RABGAP1: variants seen among roughly 807,000 people sequenced by gnomAD.
The protein encoded by RABGAP1 is rab GTPase-activating protein 1.
Under a neutral mutation model 137.6 loss-of-function variants are expected in RABGAP1, and 23 were observed. That is an observed-to-expected ratio of 0.17 (90% CI 0.12 to 0.24). The LOEUF (loss-of-function observed/expected upper bound fraction) is 0.24. Ranked by LOEUF, RABGAP1 falls within the 10% of genes least tolerant of loss-of-function variation. The probability of loss-of-function intolerance (pLI) is 1.00; values close to 1 mark genes in which losing one functional copy is unlikely to be tolerated. For missense variants in RABGAP1, 906 were observed against 1,275.8 expected (o/e 0.71, Z 4.42); for synonymous variants, 451 against 450.7 (o/e 1.00, Z -0.01).
rs1459915669 is a variant in RABGAP1 at position 123,104,010 on chromosome 9, T to TAA, written c.*798_*799insAA. 1.3e-5 allele frequency: 2 copies of TAA among 151,492 alleles called. No individual in the cohort carries two copies. Among genetic ancestry groups the TAA allele is most frequent in the African/African-American group, 4.9e-5 (2 of 41,042 alleles). The allele number at this position is 151,492 out of a possible 1,614,324, so 9.4% of individuals were successfully genotyped here. On this transcript the variant is annotated 3_prime_UTR_variant, in exon 26 of 26. Coordinates refer to ENST00000373647, the MANE Select transcript of RABGAP1 (RefSeq NM_012197.4). ...GTGTGTGTGTGTATGTATATATATA[T>TAA]ATAAATATCTTTCCCAATATGCCCC...
chr9:123,100,654 C>T (rs1022489319), intron 24 of RABGAP1, among the ~76,000 whole-genome samples: 6 of 152,138 alleles, frequency 3.9e-5, no homozygotes, highest in Non-Finnish European at 7.3e-5. Flanking sequence ...CTCCTGAGCT[C>T]GTGATCCACC....
chr9:122,950,626 C>G (rs994918565), intron 1 of RABGAP1, among the ~76,000 whole-genome samples: 1 of 152,086 alleles, frequency 6.6e-6, no homozygotes, highest in Non-Finnish European at 1.5e-5. Context: ...GTTTTCTCTA[C>G]CACTGTAAGC....
intron 10 of RABGAP1, among the ~76,000 whole-genome samples, chr9:123,005,338 A>C (rs1458313944): frequency 6.6e-6 from 1 of 150,636 alleles, no homozygotes; most frequent in South Asian, 2.1e-4. Flanking sequence ...TATAAATGTC[A>C]TAATTATGTA....
intron 10 of RABGAP1, among the ~76,000 whole-genome samples, chr9:123,003,557 A>T (rs1383638965): frequency 1.3e-5 from 2 of 152,232 alleles, no homozygotes; most frequent in Admixed American, 1.3e-4. Context: ...TTTTGCTGCC[A>T]GTATAGGAAA....
At chr9:122,934,063 A>G in the RABGAP1 span, among the ~76,000 whole-genome samples, 1 of 148,788 alleles carries the variant, frequency 6.7e-6, no homozygotes, top group Non-Finnish European at 1.5e-5. Flanking sequence ...CCCTTTTCCT[A>G]ACCTTTTCTT....
intron 19 of RABGAP1, among the ~76,000 whole-genome samples, chr9:123,083,396 G>T (rs1360372143): frequency 6.6e-6 from 1 of 152,186 alleles, no homozygotes; most frequent in Admixed American, 6.5e-5. Flanking sequence ...TTTAGAATCA[G>T]ATTTTATGAG....
chr9:122,992,642 ATAT>A (rs1401051831), intron 6 of RABGAP1, among the ~76,000 whole-genome samples: 1 of 149,674 alleles, frequency 6.7e-6, no homozygotes, highest in Non-Finnish European at 1.5e-5. Context: ...TAACTTAAAT[ATAT>A]TATTTAAGTA....
intron 2 of RABGAP1, among the ~76,000 whole-genome samples, chr9:122,974,139 C>G (rs201137553): frequency 1.3e-5 from 2 of 152,064 alleles, no homozygotes; most frequent in East Asian, 3.8e-4. Flanking sequence ...AGTGGAGACA[C>G]ATCAGTAAAT....
At chr9:122,975,754 C>A (rs765830569) in intron 2 of RABGAP1, among the ~76,000 whole-genome samples, 21 of 152,150 alleles carry the variant, frequency 1.4e-4, no homozygotes, top group Non-Finnish European at 2.2e-4. Flanking sequence ...TCTGTAAAAA[C>A]CACACGATAC....
At chr9:123,097,699 TCC>T in intron 21 of RABGAP1, 40 bp from the exon 22 acceptor site, 1 of 1,534,706 alleles carries the variant, frequency 6.5e-7, no homozygotes, top group South Asian at 1.2e-5. Flanking sequence ...CCTTTGCAGT[TCC>T]CAATTCTTGT....
At chr9:123,085,195 A>G (rs2132193420) in intron 19 of RABGAP1, among the ~76,000 whole-genome samples, 1 of 152,366 alleles carries the variant, frequency 6.6e-6, no homozygotes, top group South Asian at 2.1e-4. Context: ...ACAAACTGGC[A>G]TGTATCAAGT....
In RABGAP1 at chr9:123,065,369, A is replaced by G. The variant is rs2034136458; in HGVS notation, c.1816A>G (p.Ile606Val). ...ITKESPQDSA[I>V]TRDINRTFPA... ...ACAGGAGTCTCCCCAGGACAGTGCT[A>G]TCACCCGGGATATTAACCGAACATT... Residue 606 changes from isoleucine (I) to valine (V), a missense_variant, in exon 14 of 26, where the codon ATC (isoleucine) becomes GTC (valine). Around this residue, in one of 9 missense-constraint regions of RABGAP1, gnomAD observed 30 missense variants for 105.8 expected, o/e 0.28. Coordinates refer to ENST00000373647, the MANE Select transcript of RABGAP1 (RefSeq NM_012197.4). The G allele has an allele frequency of 3.7e-6, 6 of 1,612,146 alleles. No individual in the cohort carries two copies. The highest frequency in any genetic ancestry group is 2.2e-5 in the East Asian group (1 of 44,858).
chr9:122,966,335 G>A (rs1342515982), intron 2 of RABGAP1, among the ~76,000 whole-genome samples: 2 of 152,014 alleles, frequency 1.3e-5, no homozygotes, highest in African/African-American at 4.8e-5. Context: ...GACCAGCCTG[G>A]CCAACATGGT....
At chr9:123,045,936 C>G (rs540550530) in intron 13 of RABGAP1, among the ~76,000 whole-genome samples, 1 of 152,268 alleles carries the variant, frequency 6.6e-6, no homozygotes, top group South Asian at 2.1e-4. Context: ...GCTATTATTT[C>G]TTTGCCACAC....
intron 1 of RABGAP1, among the ~76,000 whole-genome samples, chr9:122,942,182 AC>A (rs1259239249): frequency 1.4e-4 from 22 of 152,378 alleles, no homozygotes; most frequent in Admixed American, 5.9e-4. Flanking sequence ...ACAAAACAAA[AC>A]AAAAAAACAA....
At chr9:122,937,742 C>A, upstream of RABGAP1, 1 of 151,858 alleles carries the variant, frequency 6.6e-6, no homozygotes, top group African/African-American at 2.4e-5. Context: ...GCCGGTAATC[C>A]CAGCACTTTG....
chr9:123,095,546 T>C (rs1315075703), intron 21 of RABGAP1, among the ~76,000 whole-genome samples: 1 of 152,104 alleles, frequency 6.6e-6, no homozygotes, highest in Admixed American at 6.5e-5. Flanking sequence ...CAAAAAATTT[T>C]TGAAAAATAG....
At chr9:123,046,782 T>A (rs955153870) in intron 13 of RABGAP1, among the ~76,000 whole-genome samples, 1 of 152,194 alleles carries the variant, frequency 6.6e-6, no homozygotes, top group Non-Finnish European at 1.5e-5. Context: ...TGGTCTGGAA[T>A]ACATGGCTAA....
chr9:122,938,408 G>A (rs1833424667), upstream of RABGAP1: 1 of 152,056 alleles, frequency 6.6e-6, no homozygotes, highest in African/African-American at 2.4e-5. Flanking sequence ...TTTCACACCA[G>A]CCCCACATTC....
Sources: gnomAD v4.1 joint callset for allele counts (sites outside exome capture counted in the v4.1 genomes callset) on GRCh38, gnomAD v4.1.1 for gene constraint, gnomAD v4.1.1 regional missense constraint, MANE v1.5 for transcripts, NCBI Gene and HGNC (gene_info 2026-07-23, HGNC 2026-07-21) for gene names.